Variants in ARB2A observed in about 807,000 individuals in gnomAD.
The protein encoded by ARB2A is cotranscriptional regulator ARB2A.
chr5:93,621,212 G>A, the ARB2A span: 81 of 1,341,832 alleles, frequency 6.0e-5, no homozygotes, highest in Non-Finnish European at 7.6e-5. Context: ...GCCGAGCCCC[G>A]GCTCCCGACC....
At chr5:93,772,878 T>C in the ARB2A span, among the ~76,000 whole-genome samples, 2 of 152,186 alleles carry the variant, frequency 1.3e-5, no homozygotes, top group African/African-American at 4.8e-5. Context: ...AGGTCTGCCA[T>C]CATTCACTGC....
the ARB2A span, among the ~76,000 whole-genome samples, chr5:94,068,448 A>G: frequency 6.6e-6 from 1 of 152,226 alleles, no homozygotes; most frequent in African/African-American, 2.4e-5. Flanking sequence ...AGTAACAAAC[A>G]TGGACCAGAA....
chr5:94,041,438 G>A, the ARB2A span, among the ~76,000 whole-genome samples: 3 of 151,842 alleles, frequency 2.0e-5, no homozygotes, highest in African/African-American at 2.4e-5. Flanking sequence ...TTAGGGAATG[G>A]GTCCTTTATC....
chr5:93,805,404 C>T, the ARB2A span: 26 of 985,100 alleles, frequency 2.6e-5, no homozygotes, highest in East Asian at 2.6e-3. Context: ...AGCAAAACCC[C>T]CGTTTCCCCA....
the ARB2A span, among the ~76,000 whole-genome samples, chr5:93,924,750 A>T: frequency 1.8e-3 from 280 of 152,312 alleles, 1 homozygote; most frequent in Admixed American, 3.2e-3. Context: ...CGGAGGATTT[A>T]GCTGGAGGGT....
the ARB2A span, among the ~76,000 whole-genome samples, chr5:94,013,173 GTTTTTTT>G: frequency 8.9e-6 from 1 of 112,540 alleles, no homozygotes; most frequent in Non-Finnish European, 1.9e-5. Flanking sequence ...TCAGTAAGTT[GTTTTTTT>G]TTTTTTTTTT....
the ARB2A span, among the ~76,000 whole-genome samples, chr5:93,666,099 A>G: frequency 6.6e-6 from 1 of 152,192 alleles, no homozygotes; most frequent in Admixed American, 6.5e-5. Flanking sequence ...TGACAGTAAC[A>G]ATGAGTCTTT....
At chr5:93,681,055 T>TA in the ARB2A span, among the ~76,000 whole-genome samples, 1 of 152,182 alleles carries the variant, frequency 6.6e-6, no homozygotes, top group South Asian at 2.1e-4. Context: ...CACAGGCCTT[T>TA]AATGTGTTAA....
At chr5:93,812,298 T>C in the ARB2A span, among the ~76,000 whole-genome samples, 1 of 152,130 alleles carries the variant, frequency 6.6e-6, no homozygotes, top group African/African-American at 2.4e-5. Flanking sequence ...CAGGATTTTT[T>C]TCCTGAGATA....
At chr5:93,729,677 T>C in the ARB2A span, among the ~76,000 whole-genome samples, 5 of 151,978 alleles carry the variant, frequency 3.3e-5, no homozygotes, top group East Asian at 1.9e-4. Flanking sequence ...TAAAAGTTAA[T>C]AATATTTGCA....
the ARB2A span, among the ~76,000 whole-genome samples, chr5:93,912,785 TTTC>T: frequency 2.0e-5 from 3 of 151,884 alleles, no homozygotes; most frequent in African/African-American, 7.2e-5. Flanking sequence ...CATATTTCTT[TTTC>T]TTCTTCATAT....
chr5:94,107,407 T>A, the ARB2A span, among the ~76,000 whole-genome samples: 1 of 152,034 alleles, frequency 6.6e-6, no homozygotes, highest in Non-Finnish European at 1.5e-5. Flanking sequence ...TGTCATACAA[T>A]TTTTCATTCA....
chr5:93,815,565 C>T, the ARB2A span, among the ~76,000 whole-genome samples: 1 of 152,124 alleles, frequency 6.6e-6, no homozygotes. Flanking sequence ...TGTTCACAAT[C>T]CTTCTGATTT....
At chr5:94,024,462 G>C in the ARB2A span, among the ~76,000 whole-genome samples, 1 of 151,934 alleles carries the variant, frequency 6.6e-6, no homozygotes, top group South Asian at 2.1e-4. Context: ...GTGTATATGT[G>C]TTTATATAAA....
the ARB2A span, chr5:93,824,127 G>T: frequency 6.5e-7 from 1 of 1,548,356 alleles, no homozygotes; most frequent in South Asian, 1.3e-5. Context: ...TGGAACTACA[G>T]AGAGTAAAAT....
At chr5:94,096,888 G>A in the ARB2A span, among the ~76,000 whole-genome samples, 1 of 152,168 alleles carries the variant, frequency 6.6e-6, no homozygotes, top group Non-Finnish European at 1.5e-5. Context: ...GCCTTGAGTG[G>A]CTCCCAGAGA....
At chr5:93,942,237 A>T in the ARB2A span, among the ~76,000 whole-genome samples, 1 of 152,256 alleles carries the variant, frequency 6.6e-6, no homozygotes, top group East Asian at 1.9e-4. Flanking sequence ...CTTTGCTGGC[A>T]TGGGGCTGGG....
At chr5:93,765,506 T>C in the ARB2A span, among the ~76,000 whole-genome samples, 1 of 152,134 alleles carries the variant, frequency 6.6e-6, no homozygotes, top group Non-Finnish European at 1.5e-5. Flanking sequence ...AAGGACCTCT[T>C]CAAGGAGAAC....
chr5:93,987,685 C>T, the ARB2A span, among the ~76,000 whole-genome samples: 1 of 152,130 alleles, frequency 6.6e-6, no homozygotes, highest in Admixed American at 6.5e-5. Flanking sequence ...TCTATATCCC[C>T]AGCTGTCCTC....
Sources: allele counts gnomAD v4.1 joint callset (sites outside exome capture counted in the v4.1 genomes callset), GRCh38; gene constraint gnomAD v4.1.1; transcripts MANE v1.5; gene names NCBI Gene and HGNC (gene_info 2026-07-23, HGNC 2026-07-21).